The following CPXM2 variants were observed in gnomAD, a reference collection of about 807,000 sequenced individuals.
The protein encoded by CPXM2 is inactive carboxypeptidase-like protein X2.
CPXM2 carries 66 observed loss-of-function variants against 86.1 expected under a neutral mutation model. That is an observed-to-expected ratio of 0.77 (90% CI 0.63 to 0.94). The LOEUF is 0.94. Ranked by LOEUF, CPXM2 falls within the 40% of genes least tolerant of loss-of-function variation. CPXM2 has a pLI of 0.00. For synonymous variants in CPXM2, 388 were observed against 400.2 expected (o/e 0.97, Z 0.36); for missense variants, 948 against 1,026.3 (o/e 0.92, Z 1.04).
At chr10:123,851,290 C>T (rs1364618410) in intron 3 of CPXM2, among the ~76,000 whole-genome samples, 1 of 152,196 alleles carries the variant, frequency 6.6e-6, no homozygotes, top group African/African-American at 2.4e-5. Context: ...CCAATAAACT[C>T]TCAACTTATA....
intron 3 of CPXM2, among the ~76,000 whole-genome samples, chr10:123,854,560 C>A (rs772865519): frequency 6.7e-6 from 1 of 150,026 alleles, no homozygotes. Flanking sequence ...AGACCTGAGA[C>A]CCTAATCTCA....
intron 6 of CPXM2, among the ~76,000 whole-genome samples, chr10:123,791,180 G>C (rs1022597574): frequency 6.6e-6 from 1 of 152,162 alleles, no homozygotes; most frequent in Non-Finnish European, 1.5e-5. Context: ...TTGGGAGGCT[G>C]AGGCGGGCAG....
At chr10:123,835,198 C>A (rs78912370) in intron 4 of CPXM2, among the ~76,000 whole-genome samples, 1 of 152,096 alleles carries the variant, frequency 6.6e-6, no homozygotes, top group Non-Finnish European at 1.5e-5. Context: ...AAAAAACAGG[C>A]GGGAAGCAAA....
intron 6 of CPXM2, among the ~76,000 whole-genome samples, chr10:123,783,026 A>C (rs1846969859): frequency 6.6e-6 from 1 of 152,232 alleles, no homozygotes; most frequent in Non-Finnish European, 1.5e-5. Flanking sequence ...CACTCCCACC[A>C]GCTCCAAGAC....
intron 3 of CPXM2, among the ~76,000 whole-genome samples, chr10:123,854,300 C>T (rs1848660112): frequency 2.8e-5 from 4 of 143,844 alleles, no homozygotes; most frequent in African/African-American, 5.3e-5. Flanking sequence ...GATAAGGCAG[C>T]ACAAGCTGAG....
intron 2 of CPXM2, 66 bp downstream of exon 2, chr10:123,880,145 T>TAA: frequency 7.4e-6 from 3 of 407,580 alleles, no homozygotes; most frequent in South Asian, 2.7e-5. Flanking sequence ...CAGGGGCCTG[T>TAA]ACCCACCCAC....
intron 7 of CPXM2, among the ~76,000 whole-genome samples, chr10:123,772,382 G>C (rs1424063798): frequency 2.0e-5 from 3 of 151,992 alleles, no homozygotes; most frequent in Non-Finnish European, 4.4e-5. Context: ...CACCTCCCTG[G>C]TTGTGATCAT....
intron 2 of CPXM2, among the ~76,000 whole-genome samples, chr10:123,869,405 A>T (rs990854740): frequency 6.6e-6 from 1 of 152,250 alleles, no homozygotes; most frequent in African/African-American, 2.4e-5. Context: ...GCTTCTAGGA[A>T]GAAAAAAGGA....
At chr10:123,809,979 G>A (rs1329176347) in intron 4 of CPXM2, among the ~76,000 whole-genome samples, 2 of 151,882 alleles carry the variant, frequency 1.3e-5, no homozygotes, top group South Asian at 2.1e-4. Context: ...CATTAAGTTG[G>A]ATTAAAAATT....
intron 9 of CPXM2, 112 bp from the exon 10 acceptor site, chr10:123,767,264 T>C: frequency 1.1e-6 from 1 of 929,786 alleles, no homozygotes; most frequent in Non-Finnish European, 1.6e-6. Flanking sequence ...TCTAAGCCTC[T>C]AGATGCCCTT....
chr10:123,776,637 A>G (rs1007703009), intron 7 of CPXM2: 2 of 152,252 alleles, frequency 1.3e-5, no homozygotes, highest in Admixed American at 1.3e-4. Context: ...AACATTCTGC[A>G]ACCTCACAAT....
intron 4 of CPXM2, among the ~76,000 whole-genome samples, chr10:123,810,525 A>G (rs1847667182): frequency 1.3e-5 from 2 of 152,132 alleles, no homozygotes; most frequent in African/African-American, 4.8e-5. Flanking sequence ...AGAATTAATA[A>G]GAGAGTTCAG....
intron 2 of CPXM2, among the ~76,000 whole-genome samples, chr10:123,909,983 G>A (rs1401608724): frequency 1.3e-5 from 2 of 152,194 alleles, no homozygotes; most frequent in Non-Finnish European, 2.9e-5. Flanking sequence ...AGGACTGCCA[G>A]GGTCACAGCC....
chr10:123,874,663 A>C (rs1284117381), intron 2 of CPXM2, among the ~76,000 whole-genome samples: 1 of 152,216 alleles, frequency 6.6e-6, no homozygotes, highest in Non-Finnish European at 1.5e-5. Context: ...CAGAATAAAG[A>C]GGGTTTTATC....
intron 11 of CPXM2, among the ~76,000 whole-genome samples, chr10:123,757,662 A>G (rs1395230186): frequency 6.6e-6 from 1 of 152,254 alleles, no homozygotes; most frequent in Non-Finnish European, 1.5e-5. Context: ...AAAAAAGTTT[A>G]ATGCTCCTTT....
At chr10:123,819,280 G>A (rs1480865854) in intron 4 of CPXM2, among the ~76,000 whole-genome samples, 1 of 152,164 alleles carries the variant, frequency 6.6e-6, no homozygotes, top group Non-Finnish European at 1.5e-5. Context: ...AGGGTCAATG[G>A]GAAGCTACAA....
chr10:123,927,462 C>G (rs937299830), intron 2 of CPXM2, among the ~76,000 whole-genome samples: 7 of 152,208 alleles, frequency 4.6e-5, no homozygotes, highest in African/African-American at 1.7e-4. Context: ...ACCTCACATG[C>G]CTTTAACTCA....
intron 12 of CPXM2, 88 bp downstream of exon 12, chr10:123,757,125 C>T: frequency 8.0e-7 from 1 of 1,256,470 alleles, no homozygotes; most frequent in African/African-American, 1.5e-5. Context: ...AGGTCTGAAG[C>T]TCTAATTCCA....
chr10:123,903,322 G>A (rs1945401792), intron 2 of CPXM2, among the ~76,000 whole-genome samples: 1 of 152,224 alleles, frequency 6.6e-6, no homozygotes, highest in African/African-American at 2.4e-5. Context: ...GCTGGTTGGA[G>A]TTGGATGGCT....
Sources: gnomAD v4.1 joint callset for allele counts (sites outside exome capture counted in the v4.1 genomes callset) on GRCh38, gnomAD v4.1.1 for gene constraint, MANE v1.5 for transcripts, NCBI Gene and HGNC (gene_info 2026-07-23, HGNC 2026-07-21) for gene names.